Variants in AKR1B15 observed in about 807,000 individuals in gnomAD.
AKR1B15 encodes the protein estradiol 17-beta-dehydrogenase AKR1B15.
AKR1B15 carries 49 observed loss-of-function variants against 38.5 expected under a neutral mutation model. The observed-to-expected ratio is 1.27, with a 90% CI of 1.01 to 1.62. The LOEUF (loss-of-function observed/expected upper bound fraction) is 1.62, where lower values mean the gene tolerates loss of function less well. Among genes scored for constraint, AKR1B15 ranks in the 40% most tolerant of loss-of-function variants. The pLI is 0.00. For synonymous variants in AKR1B15, 137 were observed against 135.5 expected, an observed-to-expected ratio of 1.01 and a Z score of -0.08; for missense variants, 411 against 381.6, an observed-to-expected ratio of 1.08 and a Z score of -0.64.
At chr7:134,561,539 T>C (rs1794392843) in intron 2 of AKR1B15, among the ~76,000 whole-genome samples, 1 of 152,210 alleles carries the variant, frequency 6.6e-6, no homozygotes, top group Admixed American at 6.5e-5. Flanking sequence ...AAGTAGATAA[T>C]TTAACAAACA....
intron 1 of AKR1B15, among the ~76,000 whole-genome samples, 196 bp from the exon 2 acceptor site, chr7:134,556,540 C>T (rs1057316803): frequency 2.6e-5 from 4 of 152,142 alleles, no homozygotes; most frequent in Non-Finnish European, 5.9e-5. Context: ...TCTCTCCTTA[C>T]TTCCTTAAAC....
At position 134,564,668 on chromosome 7, in the gene AKR1B15, C is replaced by T. The variant is rs1255308568; in HGVS notation, c.49C>T (p.Gln17Ter). The T allele has an allele frequency of 2.4e-5, 17 of 699,094 alleles. No homozygotes were observed. The highest frequency in any genetic ancestry group is 5.2e-6 in the Non-Finnish European group (2 of 384,086). The allele number at this position is 699,094 out of a possible 1,614,324, so 43.3% of individuals were successfully genotyped here. Residue 17 changes from glutamine to a stop codon, truncating the protein, a stop_gained, in exon 3 of 12, where the codon CAA (glutamine) becomes TAA (stop). Coordinates refer to ENST00000457545, the MANE Select transcript of AKR1B15 (RefSeq NM_001080538.3). LOFTEE classifies it high-confidence loss of function. Reference sequence around the variant, plus strand: ...AGTGAACTCAACTAACAACTTCCACCAAGGACCCCTGGACCAACCCGTTGG... The same window carrying T: ...AGTGAACTCAACTAACAACTTCCACTAAGGACCCCTGGACCAACCCGTTGG... ...PQVNSTNNFH[Q>*]GPLDQPVGPL...
intron 11 of AKR1B15, among the ~76,000 whole-genome samples, chr7:134,578,731 T>C (rs775621767): frequency 2.9e-4 from 44 of 152,278 alleles, no homozygotes; most frequent in Non-Finnish European, 4.3e-4. Flanking sequence ...TCTCAAGCGT[T>C]GCTTGCATGT....
chr7:134,564,635 G>A lies in AKR1B15; in HGVS notation c.16G>A (p.Glu6Lys), dbSNP rs1794491354. The A allele has an allele frequency of 1.4e-6, 1 of 697,752 alleles. No homozygotes were observed. Among genetic ancestry groups the A allele is most frequent in the South Asian group, 1.5e-5 (1 of 66,528 alleles). 43.2% of individuals were successfully genotyped at this position (697,752 alleles called of 1,614,324 possible). A position where few individuals can be genotyped will look rare whatever the true frequency, so the allele number is the denominator to read the frequency against. Residue 6 changes from glutamate (E) to lysine (K), a missense_variant, in exon 3 of 12, where the codon GAA becomes AAA. Coordinates refer to ENST00000457545, the MANE Select transcript of AKR1B15 (RefSeq NM_001080538.3). MVLQM[E>K]PQVNSTNNFH... ...CAAGCTACAGATGGTCTTACAAATG[G>A]AACCCCAAGTGAACTCAACTAACAA...
intron 2 of AKR1B15, among the ~76,000 whole-genome samples, chr7:134,562,526 T>A (rs1399247031): frequency 6.6e-6 from 1 of 152,098 alleles, no homozygotes; most frequent in African/African-American, 2.4e-5. Flanking sequence ...CACTGATTGG[T>A]CCATTTTACA....
At chr7:134,551,637 G>A (rs996136858) in intron 1 of AKR1B15, among the ~76,000 whole-genome samples, 1 of 152,170 alleles carries the variant, frequency 6.6e-6, no homozygotes, top group African/African-American at 2.4e-5. Context: ...AAGGGCTGCA[G>A]ACAAAGCATC....
intron 3 of AKR1B15, 147 bp from the exon 4 acceptor site, chr7:134,568,011 G>GT (rs1219673787): frequency 8.4e-6 from 8 of 949,096 alleles, no homozygotes; most frequent in Non-Finnish European, 1.3e-5. Flanking sequence ...GAATATGGTG[G>GT]TTGCTGAGTG....
chr7:134,561,525 G>A (rs965458822), intron 2 of AKR1B15, among the ~76,000 whole-genome samples: 2 of 152,204 alleles, frequency 1.3e-5, no homozygotes, highest in Non-Finnish European at 2.9e-5. Flanking sequence ...TATTATTAAT[G>A]TTGAAGTAGA....
At chr7:134,578,762 C>T (rs1458668650) in intron 11 of AKR1B15, among the ~76,000 whole-genome samples, 2 of 152,234 alleles carry the variant, frequency 1.3e-5, no homozygotes, top group Admixed American at 6.5e-5. Flanking sequence ...CATATCTATC[C>T]TGCCCACCCT....
chr7:134,555,755 T>C (rs556795442), intron 1 of AKR1B15, among the ~76,000 whole-genome samples: 11 of 152,232 alleles, frequency 7.2e-5, no homozygotes, highest in African/African-American at 2.6e-4. Context: ...GCTGCAGGGT[T>C]CGGACACACC....
At chr7:134,562,307 G>C (rs1276106798) in intron 2 of AKR1B15, among the ~76,000 whole-genome samples, 3 of 152,214 alleles carry the variant, frequency 2.0e-5, no homozygotes, top group Non-Finnish European at 4.4e-5. Context: ...TCCACATCCT[G>C]TAAGGGTACC....
chr7:134,560,825 A>G (rs1794365175), intron 2 of AKR1B15, among the ~76,000 whole-genome samples: 1 of 152,364 alleles, frequency 6.6e-6, no homozygotes, highest in East Asian at 1.9e-4. Context: ...AACTGAACAG[A>G]AAACATACTC....
At chr7:134,552,196 A>C (rs1157971333) in intron 1 of AKR1B15, among the ~76,000 whole-genome samples, 1 of 152,102 alleles carries the variant, frequency 6.6e-6, no homozygotes, top group Non-Finnish European at 1.5e-5. Flanking sequence ...CCTGCTTCAT[A>C]AGCTACAGGC....
At chr7:134,575,314 G>A (rs2117669575) in intron 6 of AKR1B15, 106 bp from the exon 7 acceptor site, 2 of 1,496,816 alleles carry the variant, frequency 1.3e-6, no homozygotes, top group Middle Eastern at 4.5e-4. Flanking sequence ...AGCTAACTCT[G>A]TTGCGGTGGA....
At chr7:134,551,997 G>A (rs367788719) in intron 1 of AKR1B15, among the ~76,000 whole-genome samples, 18 of 152,238 alleles carry the variant, frequency 1.2e-4, no homozygotes, top group African/African-American at 3.1e-4. Flanking sequence ...AATTGACACC[G>A]GGGTGGAACA....
At chr7:134,574,668 G>A (rs1201160888) in intron 6 of AKR1B15, among the ~76,000 whole-genome samples, 1 of 152,216 alleles carries the variant, frequency 6.6e-6, no homozygotes, top group African/African-American at 2.4e-5. Flanking sequence ...AATACATGTT[G>A]CATTGGAGGC....
Position 134,578,899 on chromosome 7 carries a change from C to T in AKR1B15, c.993-608C>T, listed in dbSNP as rs573542858. Among the ~76,000 whole-genome samples the T allele has an allele frequency of 1.4e-4, 22 of 152,350 alleles. No homozygotes were observed. The South Asian group carries it at 4.6e-3, about 32-fold the overall frequency. On this transcript the variant is annotated intron_variant, in intron 11 of 11. Coordinates refer to ENST00000457545, the MANE Select transcript of AKR1B15 (RefSeq NM_001080538.3). ...TGTGACTCTCCCCCAAACTAAAACA[C>T]TTACTTTCCTATGAGCATCATTTCT...
intron 6 of AKR1B15, among the ~76,000 whole-genome samples, chr7:134,571,930 A>C (rs1034418246): frequency 6.6e-6 from 1 of 152,184 alleles, no homozygotes; most frequent in African/African-American, 2.4e-5. Flanking sequence ...GGGAATACAC[A>C]TGCTGTTCTC....
rs1467511145 is a variant in AKR1B15, at chr7:134,560,479, G to C, written c.-23+3620G>C. ...CCACAAAATCACGAGCAAATAAATG[G>C]TTGCTGTAATAACCAGTTGGGTTGT... On this transcript the variant is annotated intron_variant, in intron 2 of 11. Transcript: ENST00000457545. 2.0e-5 allele frequency among the ~76,000 whole-genome samples: 3 copies of C among 152,104 alleles called. No homozygotes were observed. The East Asian group carries it at 5.8e-4, about 29-fold the overall frequency.
Sources: allele counts gnomAD v4.1 joint callset (sites outside exome capture counted in the v4.1 genomes callset), GRCh38; gene constraint gnomAD v4.1.1; transcripts MANE v1.5; gene names NCBI Gene and HGNC (gene_info 2026-07-23, HGNC 2026-07-21).